The following UBE2V2 variants were observed in gnomAD, a reference collection of about 807,000 sequenced individuals.
UBE2V2 encodes the protein ubiquitin conjugating enzyme E2 V2.
A neutral mutation model predicts 17.2 loss-of-function variants in UBE2V2; 9 were observed. That is an observed-to-expected ratio of 0.52 (90% confidence interval 0.32 to 0.91). The LOEUF (loss-of-function observed/expected upper bound fraction) is 0.91. UBE2V2 is among the 40% of genes least tolerant of loss of function. The pLI is 0.04. For missense variants in UBE2V2, 133 were observed against 182.6 expected, an observed-to-expected ratio of 0.73 and a Z score of 1.56; for synonymous variants, 61 against 57.5, an observed-to-expected ratio of 1.06 and a Z score of -0.28.
intron 1 of UBE2V2, chr8:48,042,167 T>C (rs1240823778): frequency 6.6e-6 from 1 of 152,234 alleles, no homozygotes. Flanking sequence ...AGTTTCTTTA[T>C]GTATATAAGC....
chr8:48,050,782 G>A (rs45609137), intron 3 of UBE2V2, among the ~76,000 whole-genome samples: 2,158 of 152,070 alleles, frequency 0.014, 41 homozygotes, highest in African/African-American at 0.041. Flanking sequence ...AAGGATGACT[G>A]TTCATGAAAA....
chr8:48,053,573 G>A (rs1291899357), intron 3 of UBE2V2, among the ~76,000 whole-genome samples: 7 of 151,786 alleles, frequency 4.6e-5, no homozygotes, highest in Non-Finnish European at 8.8e-5. Flanking sequence ...ACAGGCATGT[G>A]CCACCACGTC....
At chr8:48,007,837 C>T (rs958656273), upstream of UBE2V2, among the ~76,000 whole-genome samples, 1 of 152,040 alleles carries the variant, frequency 6.6e-6, no homozygotes, top group Non-Finnish European at 1.5e-5. Context: ...TCACGTGACC[C>T]TCCCACCTCA....
chr8:48,047,679 T>C (rs1037170280), intron 2 of UBE2V2, among the ~76,000 whole-genome samples: 1 of 152,160 alleles, frequency 6.6e-6, no homozygotes, highest in African/African-American at 2.4e-5. Context: ...TGCCTCAGCC[T>C]CCCGACTAGC....
chr8:48,061,038 T>C lies in UBE2V2; in HGVS notation c.*210T>C. The C allele has an allele frequency of 2.8e-6, 1 of 356,804 alleles. No homozygotes were observed. Among genetic ancestry groups the C allele is most frequent in the Admixed American group, 4.8e-5 (1 of 20,680 alleles). 22.1% of individuals were successfully genotyped at this position (356,804 alleles called of 1,614,324 possible). On this transcript the variant is annotated 3_prime_UTR_variant, in exon 4 of 4. Coordinates refer to ENST00000523111, the MANE Select transcript of UBE2V2 (RefSeq NM_003350.3). ...AAATGCAGCACAATTTTTTTTCTCT[T>C]GAAAGGCACTGTCATTTAAACATAA...
chr8:48,012,791 G>T (rs1406905359), intron 1 of UBE2V2, among the ~76,000 whole-genome samples: 3 of 152,168 alleles, frequency 2.0e-5, no homozygotes, highest in Non-Finnish European at 4.4e-5. Flanking sequence ...CAGAAAAGTT[G>T]TGAAGATAGT....
chr8:48,008,676 C>A, intron 1 of UBE2V2: 1 of 514,740 alleles, frequency 1.9e-6, no homozygotes, highest in Non-Finnish European at 2.7e-6. Context: ...CGTGCTCGCG[C>A]GTCGGCCGCG....
upstream of UBE2V2, among the ~76,000 whole-genome samples, chr8:48,008,142 G>C (rs1337687190): frequency 6.6e-6 from 1 of 151,920 alleles, no homozygotes; most frequent in Non-Finnish European, 1.5e-5. Context: ...GGCTGGTTTC[G>C]AACTCCTGAC....
At chr8:48,004,839 T>C (rs1217474345), upstream of UBE2V2, among the ~76,000 whole-genome samples, 2 of 152,018 alleles carry the variant, frequency 1.3e-5, no homozygotes, top group Non-Finnish European at 2.9e-5. Context: ...CCCTGCATTT[T>C]TTTTTTTAAG....
At chr8:48,042,909 A>G in intron 1 of UBE2V2, 124 bp from the exon 2 acceptor site, 1 of 1,004,786 alleles carries the variant, frequency 1.0e-6, no homozygotes, top group Admixed American at 3.5e-5. Context: ...AATGCTTTTT[A>G]AAGGGGATTT....
intron 1 of UBE2V2, among the ~76,000 whole-genome samples, chr8:48,016,296 A>T (rs1456473898): frequency 6.6e-6 from 1 of 152,060 alleles, no homozygotes; most frequent in Non-Finnish European, 1.5e-5. Context: ...TCTTTGACAT[A>T]CTGATTTTAT....
At chr8:48,008,574 G>A (rs2091202931) in intron 1 of UBE2V2, 104 bp downstream of exon 1, 1 of 1,449,032 alleles carries the variant, frequency 6.9e-7, no homozygotes, top group Non-Finnish European at 9.1e-7. Flanking sequence ...AAGCCCGAGT[G>A]CGCTGTCTCG....
intron 2 of UBE2V2, among the ~76,000 whole-genome samples, chr8:48,044,800 T>C (rs1047943064): frequency 6.6e-6 from 1 of 152,172 alleles, no homozygotes; most frequent in Admixed American, 6.6e-5. Context: ...GATTTAACAG[T>C]CAGAACTTGG....
intron 1 of UBE2V2, among the ~76,000 whole-genome samples, chr8:48,020,268 C>T (rs1433308033): frequency 6.6e-6 from 1 of 152,094 alleles, no homozygotes; most frequent in Non-Finnish European, 1.5e-5. Flanking sequence ...AACTCCTGGG[C>T]TCAAACAATT....
intron 1 of UBE2V2, among the ~76,000 whole-genome samples, chr8:48,016,515 T>C (rs2091270042): frequency 6.6e-6 from 1 of 151,866 alleles, no homozygotes; most frequent in East Asian, 2.0e-4. Flanking sequence ...GGAGTTTGGC[T>C]CTTGTTGCCC....
At chr8:48,043,006 C>T (rs773925923) in intron 1 of UBE2V2, 27 bp from the exon 2 acceptor site, 6 of 1,449,054 alleles carry the variant, frequency 4.1e-6, no homozygotes, top group Admixed American at 4.6e-5. Context: ...GAGCTTTTTA[C>T]ATTTACACTG....
At chr8:48,055,037 T>C (rs2091562867) in intron 3 of UBE2V2, among the ~76,000 whole-genome samples, 1 of 152,044 alleles carries the variant, frequency 6.6e-6, no homozygotes, top group Non-Finnish European at 1.5e-5. Flanking sequence ...TAGAAATAGC[T>C]TGGTATTCTC....
At position 48,063,269 on chromosome 8, in the gene UBE2V2, G is replaced by A. The variant is rs927025625; in HGVS notation, c.*2441G>A. 1.3e-5 allele frequency: 2 copies of A among 152,200 alleles called. No individual in the cohort carries two copies. Among genetic ancestry groups the A allele is most frequent in the Non-Finnish European group, 2.9e-5 (2 of 68,050 alleles). 9.4% of individuals were successfully genotyped at this position (152,200 alleles called of 1,614,324 possible). On this transcript the variant is annotated 3_prime_UTR_variant, in exon 4 of 4. Coordinates refer to ENST00000523111, the MANE Select transcript of UBE2V2 (RefSeq NM_003350.3). ...GCATGCCAATTAACCCATTTCTAAA[G>A]CAGAATCCATTTTGCATGTCACAAT...
chr8:48,046,379 A>G (rs1417911503), intron 2 of UBE2V2, among the ~76,000 whole-genome samples: 1 of 151,962 alleles, frequency 6.6e-6, no homozygotes, highest in Non-Finnish European at 1.5e-5. Flanking sequence ...CGGCCTCCCA[A>G]AGTGCTGGGA....
Sources: gnomAD v4.1 joint callset for allele counts (sites outside exome capture counted in the v4.1 genomes callset) on GRCh38, gnomAD v4.1.1 for gene constraint, MANE v1.5 for transcripts, NCBI Gene and HGNC (gene_info 2026-07-23, HGNC 2026-07-21) for gene names.